BRD3: variants seen among roughly 807,000 people sequenced by gnomAD.
BRD3 encodes the protein bromodomain-containing protein 3.
Under a neutral mutation model 66.8 loss-of-function variants are expected in BRD3, and 17 were observed. That is an observed-to-expected ratio of 0.25 (90% confidence interval 0.17 to 0.38). BRD3 has a LOEUF of 0.38. Among genes scored for constraint, BRD3 ranks in the 10% least tolerant of loss-of-function variants. The probability of loss-of-function intolerance (pLI) is 1.00; values close to 1 mark genes in which losing one functional copy is unlikely to be tolerated. For missense variants in BRD3, 713 were observed against 956.1 expected (o/e 0.75, Z 3.35); for synonymous variants, 421 against 393.2 (o/e 1.07, Z -0.84).
intron 7 of BRD3, among the ~76,000 whole-genome samples, chr9:134,042,757 A>G (rs933625826): frequency 6.8e-5 from 10 of 146,194 alleles, no homozygotes; most frequent in African/African-American, 2.5e-4. Flanking sequence ...ACATATATAC[A>G]CATATATACA....
rs1208538622 is a variant in BRD3, at chr9:134,065,470, G to A, written c.-114+2475C>T. Among the ~76,000 whole-genome samples the A allele has an allele frequency of 4.6e-5, 7 of 150,832 alleles. No homozygotes were observed. In the East Asian group the frequency reaches 1.4e-3, roughly 29 times the overall value. ...AAAAAAAGGAACCTGCCTAGGACAG[G>A]AACCCCGTCAGGTCAGTTATACTTT... On this transcript the variant is annotated intron_variant, in intron 1 of 11. Coordinates refer to ENST00000303407, the MANE Select transcript of BRD3 (RefSeq NM_007371.4).
chr9:134,058,797 T>A (rs1588299510), intron 1 of BRD3: 2 of 152,442 alleles, frequency 1.3e-5, no homozygotes, highest in East Asian at 1.9e-4. Flanking sequence ...AAAAACCCAG[T>A]ATCCCCTCGC....
At chr9:134,062,267 C>T (rs1439270421) in intron 1 of BRD3, among the ~76,000 whole-genome samples, 6 of 152,296 alleles carry the variant, frequency 3.9e-5, no homozygotes, top group South Asian at 4.1e-4. Context: ...GCTGCCTGGC[C>T]GCCTGGAGGG....
intron 9 of BRD3, among the ~76,000 whole-genome samples, chr9:134,037,955 A>T (rs1468847890): frequency 6.6e-6 from 1 of 152,222 alleles, no homozygotes; most frequent in Non-Finnish European, 1.5e-5. Context: ...AAACCTCTAA[A>T]ACTCACTCAA....
intron 9 of BRD3, 160 bp from the exon 10 acceptor site, chr9:134,036,484 C>T (rs917631755): frequency 9.5e-6 from 15 of 1,578,770 alleles, no homozygotes; most frequent in South Asian, 3.5e-5. Flanking sequence ...TTAGAAAAGT[C>T]GCTCCCAGCT....
At chr9:134,063,848 C>T (rs563951494) in intron 1 of BRD3, among the ~76,000 whole-genome samples, 15 of 152,328 alleles carry the variant, frequency 9.8e-5, no homozygotes, top group African/African-American at 2.6e-4. Flanking sequence ...ATCCAGCCGG[C>T]GACTCCTGAA....
intron 1 of BRD3, among the ~76,000 whole-genome samples, chr9:134,062,152 C>T (rs1254394246): frequency 1.3e-5 from 2 of 152,152 alleles, no homozygotes; most frequent in Non-Finnish European, 2.9e-5. Flanking sequence ...AGCTGGGCAT[C>T]GTGGGCCCCA....
rs553696683 is a variant in BRD3, at chr9:134,046,823, TA to T, written c.1086+1259del. Among the ~76,000 whole-genome samples, 439 of 152,354 alleles carry T rather than the reference TA, an allele frequency of 2.9e-3. 2 individuals are homozygous for T. Among genetic ancestry groups the T allele is most frequent in the Non-Finnish European group, 5.2e-3 (351 of 68,034 alleles). ...CTCCGAACAAAGCAGATCATGACTT[TA>T]AAGTGAATTGTTTTTCTAGAGCTTC... On this transcript the variant is annotated intron_variant, in intron 6 of 11. Transcript: ENST00000303407.
At chr9:134,035,229 G>A (rs1214128244) in intron 10 of BRD3, among the ~76,000 whole-genome samples, 1 of 152,164 alleles carries the variant, frequency 6.6e-6, no homozygotes, top group South Asian at 2.1e-4. Context: ...CAGGAGGCCC[G>A]GTCTCCACTG....
At chr9:134,048,018 ACAT>A in intron 6 of BRD3, 62 bp downstream of exon 6, 6 of 1,464,672 alleles carry the variant, frequency 4.1e-6, no homozygotes, top group Non-Finnish European at 5.4e-6. Flanking sequence ...CCGGCACAAG[ACAT>A]CAGCACCCAC....
chr9:134,036,574 C>CAG (rs781724143), intron 9 of BRD3: 3 of 1,610,558 alleles, frequency 1.9e-6, no homozygotes, highest in African/African-American at 1.3e-5. Flanking sequence ...TCAAACTCCA[C>CAG]AGGTCAAGAA....
Position 134,051,659 on chromosome 9 carries a change from T to C in BRD3, c.402A>G (p.Leu134=), listed in dbSNP as rs765485639. 8.8e-6 allele frequency: 14 copies of C among 1,590,130 alleles called. No homozygotes were observed. The highest frequency in any genetic ancestry group is 5.5e-5 in the Admixed American group (3 of 54,412). The change falls in exon 4 of 12, where the codon CTA becomes CTG. Residue 134 remains leucine (L), a synonymous_variant. Transcript: ENST00000303407. ...LMAQALEKIF[L]QKVAQMPQEE... ...CTTGGGGCATCTGGGCCACTTTTTGTAGAAAAATTTTCTCTAAAGCTTGGG... is the reference window on the plus strand; with the variant it reads ...CTTGGGGCATCTGGGCCACTTTTTGCAGAAAAATTTTCTCTAAAGCTTGGG...
At chr9:134,035,112 C>T (rs1447145858) in intron 10 of BRD3, among the ~76,000 whole-genome samples, 1 of 152,198 alleles carries the variant, frequency 6.6e-6, no homozygotes, top group Non-Finnish European at 1.5e-5. Flanking sequence ...ATGGCGCAAA[C>T]AGGTGCACGG....
intron 6 of BRD3, among the ~76,000 whole-genome samples, chr9:134,046,974 T>C (rs1299467807): frequency 2.0e-5 from 3 of 152,292 alleles, no homozygotes; most frequent in Non-Finnish European, 2.9e-5. Flanking sequence ...TGTGCTATGG[T>C]AGAGACACAC....
At chr9:134,066,904 G>A (rs1281807039) in intron 1 of BRD3, among the ~76,000 whole-genome samples, 5 of 152,238 alleles carry the variant, frequency 3.3e-5, no homozygotes, top group African/African-American at 1.2e-4. Flanking sequence ...GATGGACGCC[G>A]GGTCCCTGCC....
In BRD3 at chr9:134,030,997, G is replaced by C. The variant is rs1843503683; in HGVS notation, c.*2593C>G. On this transcript the variant is annotated 3_prime_UTR_variant, in exon 12 of 12. Coordinates refer to ENST00000303407, the MANE Select transcript of BRD3 (RefSeq NM_007371.4). ...TAATACAGAAGAAACGGACGTGACT[G>C]TCACCCTCAGCCCGCCAGCAAGGGC... is the stretch of plus-strand genomic sequence containing the variant. The C allele has an allele frequency of 4.3e-6, 1 of 230,972 alleles. No homozygotes were observed. The highest frequency in any genetic ancestry group is 2.2e-5 in the African/African-American group (1 of 45,184). 14.3% of individuals were successfully genotyped at this position (230,972 alleles called of 1,614,324 possible).
intron 4 of BRD3, 131 bp from the exon 5 acceptor site, chr9:134,050,719 T>C (rs1209092746): frequency 5.5e-6 from 4 of 724,064 alleles, no homozygotes; most frequent in Non-Finnish European, 9.0e-6. Context: ...AGAAGAACCC[T>C]CCATGCTGAG....
chr9:134,057,560 G>A (rs1427502980), intron 1 of BRD3: 1 of 152,292 alleles, frequency 6.6e-6, no homozygotes, highest in African/African-American at 2.4e-5. Flanking sequence ...AACCTGCAAG[G>A]TCAGAATAAT....
intron 1 of BRD3, chr9:134,057,545 C>A (rs867745986): frequency 3.3e-5 from 5 of 152,326 alleles, no homozygotes; most frequent in Non-Finnish European, 7.3e-5. Flanking sequence ...ACAATCCCCA[C>A]AACAAACCTG....
Sources: gnomAD v4.1 joint callset for allele counts (sites outside exome capture counted in the v4.1 genomes callset) on GRCh38, gnomAD v4.1.1 for gene constraint, MANE v1.5 for transcripts, NCBI Gene and HGNC (gene_info 2026-07-23, HGNC 2026-07-21) for gene names.